FAM185A: variants seen among roughly 807,000 people sequenced by gnomAD.
FAM185A encodes family with sequence similarity 185 member A, also known as protein FAM185A.
In FAM185A, 21 loss-of-function variants were observed where a neutral mutation model predicts 45.7. The ratio of observed to expected loss-of-function variants is 0.46; its 90% CI spans 0.33 to 0.66. The LOEUF is 0.66. FAM185A is among the 30% of genes least tolerant of loss of function. FAM185A has a pLI of 0.03. For synonymous variants in FAM185A, 117 were observed against 194.0 expected, an observed-to-expected ratio of 0.60 and a Z score of 3.30; for missense variants, 305 against 485.4, an observed-to-expected ratio of 0.63 and a Z score of 3.49.
chr7:102,811,382 G>A (rs552748262), downstream of FAM185A, among the ~76,000 whole-genome samples: 3 of 152,258 alleles, frequency 2.0e-5, no homozygotes, highest in South Asian at 2.1e-4. Flanking sequence ...AGTTTGCATC[G>A]AAAACTTAAA....
chr7:102,816,908 C>T, the FAM185A span, among the ~76,000 whole-genome samples: 4 of 152,166 alleles, frequency 2.6e-5, no homozygotes, highest in South Asian at 2.1e-4. Context: ...GGCCTCCAGC[C>T]GCATCCATGT....
chr7:102,799,125 C>T (rs1318065463), intron 7 of FAM185A, among the ~76,000 whole-genome samples: 5 of 152,172 alleles, frequency 3.3e-5, no homozygotes, highest in Non-Finnish European at 7.4e-5. Context: ...CGCAAAATCA[C>T]GACCTACCAA....
chr7:102,799,814 A>G (rs1796668679), intron 7 of FAM185A, among the ~76,000 whole-genome samples: 1 of 152,160 alleles, frequency 6.6e-6, no homozygotes, highest in Non-Finnish European at 1.5e-5. Context: ...GCTTATAGGT[A>G]AGGGTTTTTA....
At chr7:102,816,537 C>T in the FAM185A span, among the ~76,000 whole-genome samples, 3 of 152,112 alleles carry the variant, frequency 2.0e-5, no homozygotes, top group African/African-American at 4.8e-5. Flanking sequence ...GAGAAGAGAT[C>T]GGCAAGTGGC....
At chr7:102,824,620 G>C in the FAM185A span, among the ~76,000 whole-genome samples, 21 of 151,970 alleles carry the variant, frequency 1.4e-4, no homozygotes, top group South Asian at 8.3e-4. Context: ...TGTGTAGCTG[G>C]GATTACAGGT....
chr7:102,763,125 GA>G (rs914954399), intron 4 of FAM185A, among the ~76,000 whole-genome samples: 1 of 150,038 alleles, frequency 6.7e-6, no homozygotes, highest in African/African-American at 2.5e-5. Context: ...TTTTAAGTTA[GA>G]TAAATTGAAT....
At chr7:102,835,504 A>G in the FAM185A span, among the ~76,000 whole-genome samples, 2 of 152,042 alleles carry the variant, frequency 1.3e-5, no homozygotes, top group African/African-American at 2.4e-5. Flanking sequence ...TGCTCAGTAC[A>G]TACTAGTTGG....
intron 7 of FAM185A, 112 bp downstream of exon 7, chr7:102,787,581 GTCC>G: frequency 8.4e-7 from 1 of 1,184,410 alleles, no homozygotes. Context: ...CCATTATTAC[GTCC>G]TCATGTTTGA....
intron 7 of FAM185A, among the ~76,000 whole-genome samples, chr7:102,803,406 C>T (rs1314867499): frequency 6.6e-6 from 1 of 152,110 alleles, no homozygotes; most frequent in Non-Finnish European, 1.5e-5. Flanking sequence ...TGATACACCA[C>T]ATAAACAGAA....
chr7:102,834,918 A>G, the FAM185A span, among the ~76,000 whole-genome samples: 1 of 141,440 alleles, frequency 7.1e-6, no homozygotes, highest in Non-Finnish European at 1.6e-5. Context: ...GTGTGTGTGT[A>G]TCAAAACAGC....
At chr7:102,831,939 T>A in the FAM185A span, among the ~76,000 whole-genome samples, 4 of 152,190 alleles carry the variant, frequency 2.6e-5, no homozygotes. Flanking sequence ...GTTCTTTACA[T>A]GGAGATATGT....
chr7:102,787,021 T>C (rs56356294), intron 6 of FAM185A, among the ~76,000 whole-genome samples: 29,746 of 152,012 alleles, frequency 0.2, 3,363 homozygotes, highest in East Asian at 0.53. Context: ...GCAAATCCTA[T>C]CTATAAGCTA....
At chr7:102,825,753 AAAT>A in the FAM185A span, among the ~76,000 whole-genome samples, 1 of 152,238 alleles carries the variant, frequency 6.6e-6, no homozygotes, top group African/African-American at 2.4e-5. Flanking sequence ...ATGATACCTC[AAAT>A]AATAATGTTT....
intron 5 of FAM185A, among the ~76,000 whole-genome samples, chr7:102,775,908 C>CACTAGTT: frequency 6.6e-6 from 1 of 152,104 alleles, no homozygotes; most frequent in East Asian, 1.9e-4. Flanking sequence ...TTTCATTTCC[C>CACTAGTT]AACGTCAGTG....
At chr7:102,789,387 A>G (rs1380022329) in intron 7 of FAM185A, among the ~76,000 whole-genome samples, 2 of 152,178 alleles carry the variant, frequency 1.3e-5, no homozygotes, top group Non-Finnish European at 2.9e-5. Flanking sequence ...CCCAAAGAAC[A>G]TTTTTACTTT....
chr7:102,770,081 C>A (rs1157313918), intron 4 of FAM185A, among the ~76,000 whole-genome samples: 2 of 152,188 alleles, frequency 1.3e-5, no homozygotes, highest in Non-Finnish European at 2.9e-5. Context: ...CACTGTCTCA[C>A]ACTAGGTGAA....
chr7:102,836,313 G>A, the FAM185A span, among the ~76,000 whole-genome samples: 1 of 152,162 alleles, frequency 6.6e-6, no homozygotes, highest in Non-Finnish European at 1.5e-5. Context: ...TGGCAGATTG[G>A]CGAACTAAAG....
chr7:102,753,498 G>C (rs1793501064), intron 2 of FAM185A, among the ~76,000 whole-genome samples: 1 of 152,010 alleles, frequency 6.6e-6, no homozygotes. Context: ...TGCAGTATAG[G>C]ATATTTAGCA....
chr7:102,832,812 G>A, the FAM185A span: 1 of 1,613,096 alleles, frequency 6.2e-7, no homozygotes, highest in African/African-American at 1.3e-5. Flanking sequence ...TAAATTGGAT[G>A]TGTTTGAGCC....
Sources: gnomAD v4.1 joint callset for allele counts (sites outside exome capture counted in the v4.1 genomes callset) on GRCh38, gnomAD v4.1.1 for gene constraint, MANE v1.5 for transcripts, NCBI Gene and HGNC (gene_info 2026-07-23, HGNC 2026-07-21) for gene names.